Variants in XYLT1 observed in about 807,000 individuals in gnomAD.
XYLT1 encodes the protein beta-D-xylosyltransferase 1.
Under a neutral mutation model 91.3 loss-of-function variants are expected in XYLT1, and 36 were observed. That is an observed-to-expected ratio of 0.39 (90% CI 0.30 to 0.52). The LOEUF is 0.52. XYLT1 is among the 20% of genes least tolerant of loss of function. The pLI is 0.68. For synonymous variants in XYLT1, 588 were observed against 532.0 expected, an observed-to-expected ratio of 1.11 and a Z score of -1.45; for missense variants, 1,242 against 1,284.5, an observed-to-expected ratio of 0.97 and a Z score of 0.51.
At chr16:17,284,688 AG>A (rs1305273920) in intron 2 of XYLT1, among the ~76,000 whole-genome samples, 1 of 152,234 alleles carries the variant, frequency 6.6e-6, no homozygotes, top group Non-Finnish European at 1.5e-5. Flanking sequence ...AGGCTGAGGC[AG>A]GGGGATCACT....
intron 1 of XYLT1, among the ~76,000 whole-genome samples, chr16:17,364,787 G>A (rs747043244): frequency 6.6e-6 from 1 of 152,186 alleles, no homozygotes. Context: ...GCCAGGAGCA[G>A]TAAGCAAGTT....
At chr16:17,343,667 T>C (rs2035098686) in intron 2 of XYLT1, among the ~76,000 whole-genome samples, 1 of 152,016 alleles carries the variant, frequency 6.6e-6, no homozygotes, top group Non-Finnish European at 1.5e-5. Context: ...GATGGTCTTG[T>C]TATATTGTTC....
At chr16:17,154,189 T>C (rs564628906) in intron 6 of XYLT1, among the ~76,000 whole-genome samples, 2 of 152,286 alleles carry the variant, frequency 1.3e-5, no homozygotes, top group East Asian at 3.9e-4. Context: ...TTTATAAAGA[T>C]GGAGAAACAG....
chr16:17,264,881 T>A (rs1218379205), intron 2 of XYLT1, among the ~76,000 whole-genome samples: 2 of 152,154 alleles, frequency 1.3e-5, no homozygotes, highest in African/African-American at 4.8e-5. Flanking sequence ...TTGGTATCCA[T>A]GGGGATGATA....
At chr16:17,221,194 G>T (rs901433626) in intron 3 of XYLT1, among the ~76,000 whole-genome samples, 1 of 152,122 alleles carries the variant, frequency 6.6e-6, no homozygotes, top group African/African-American at 2.4e-5. Context: ...ATGTCCTATA[G>T]TCAATAAAGC....
intron 2 of XYLT1, among the ~76,000 whole-genome samples, chr16:17,356,180 AC>A (rs897570236): frequency 6.6e-6 from 1 of 151,230 alleles, no homozygotes; most frequent in Non-Finnish European, 1.5e-5. Context: ...AATCAAAACC[AC>A]CCCCCGGTTT....
At chr16:17,364,184 C>G (rs1567394006) in intron 1 of XYLT1, among the ~76,000 whole-genome samples, 1 of 152,192 alleles carries the variant, frequency 6.6e-6, no homozygotes, top group Non-Finnish European at 1.5e-5. Context: ...TGGGCAAAGT[C>G]CTTAGCTTCT....
At chr16:17,338,571 C>T (rs757303026) in intron 2 of XYLT1, 32 of 450,462 alleles carry the variant, frequency 7.1e-5, no homozygotes, top group South Asian at 1.7e-4. Flanking sequence ...TGTTCTCTGT[C>T]GGGAATGGTC....
In XYLT1 at chr16:17,330,726, G is replaced by A. The variant is rs1166405483; in HGVS notation, c.402+27286C>T. On this transcript the variant is annotated intron_variant, in intron 2 of 11. Transcript: ENST00000261381. ...GGAGAATCGCTTGAACCCGGGAGGC[G>A]GAGGTAGTAATGAGCCAAGATCGCG... Among the ~76,000 whole-genome samples, 4 of 151,948 alleles carry A rather than the reference G, an allele frequency of 2.6e-5. No homozygotes were observed. In the East Asian group the frequency reaches 5.8e-4, roughly 22 times the overall value.
chr16:17,280,798 G>A (rs879630225), intron 2 of XYLT1, among the ~76,000 whole-genome samples: 12 of 152,160 alleles, frequency 7.9e-5, no homozygotes, highest in Admixed American at 1.3e-4. Flanking sequence ...GTTTGCTTGT[G>A]TCATTCAATA....
In XYLT1 at chr16:17,225,392, G is replaced by A. The variant is rs2033045249; in HGVS notation, c.914-24738C>T. 1.3e-5 allele frequency among the ~76,000 whole-genome samples: 2 copies of A among 151,996 alleles called. 1 individual carries two copies. Among genetic ancestry groups the A allele is most frequent in the Non-Finnish European group, 2.9e-5 (2 of 68,006 alleles). On this transcript the variant is annotated intron_variant, in intron 3 of 11. Transcript: ENST00000261381. Reference sequence around the variant, plus strand: ...CAAAAAATATTAAGAGTGTCAAGACGGTGAAAGCAAAGCATAAAATCTAAC... The same window carrying A: ...CAAAAAATATTAAGAGTGTCAAGACAGTGAAAGCAAAGCATAAAATCTAAC...
chr16:17,294,448 C>T (rs748572253), intron 2 of XYLT1, among the ~76,000 whole-genome samples: 1 of 152,112 alleles, frequency 6.6e-6, no homozygotes, highest in African/African-American at 2.4e-5. Context: ...ATCGTCTTTC[C>T]GCCACTCTCA....
At chr16:17,465,398 G>GT (rs1457637989) in intron 1 of XYLT1, among the ~76,000 whole-genome samples, 1 of 152,024 alleles carries the variant, frequency 6.6e-6, no homozygotes, top group Non-Finnish European at 1.5e-5. Context: ...GGAGAAATCA[G>GT]TAAGACAGTA....
At chr16:17,411,175 T>C (rs921889363) in intron 1 of XYLT1, among the ~76,000 whole-genome samples, 27 of 152,226 alleles carry the variant, frequency 1.8e-4, no homozygotes, top group African/African-American at 6.0e-4. Context: ...CATGGGCCAG[T>C]TGTGAAACTT....
chr16:17,232,556 A>G (rs961265713), intron 3 of XYLT1, among the ~76,000 whole-genome samples: 15 of 151,166 alleles, frequency 9.9e-5, no homozygotes, highest in Admixed American at 6.6e-5. Context: ...TTATTGATTG[A>G]TTGATGATGA....
At chr16:17,270,923 G>A (rs964840141) in intron 2 of XYLT1, among the ~76,000 whole-genome samples, 1 of 152,178 alleles carries the variant, frequency 6.6e-6, no homozygotes, top group Non-Finnish European at 1.5e-5. Flanking sequence ...AATGGGGCCA[G>A]TGAGGCTGAG....
intron 1 of XYLT1, among the ~76,000 whole-genome samples, chr16:17,391,025 G>A (rs117000797): frequency 0.077 from 11,756 of 152,000 alleles, 638 homozygotes; most frequent in African/African-American, 0.15. Flanking sequence ...GCGACAGAGC[G>A]AGACTCCTTC....
intron 3 of XYLT1, among the ~76,000 whole-genome samples, chr16:17,204,672 A>T (rs951443755): frequency 2.0e-4 from 31 of 152,192 alleles, no homozygotes; most frequent in Admixed American, 3.3e-4. Context: ...ACTGCTATGA[A>T]AACAGAGCTA....
intron 5 of XYLT1, among the ~76,000 whole-genome samples, chr16:17,176,538 G>A (rs1319537821): frequency 6.6e-6 from 1 of 152,238 alleles, no homozygotes; most frequent in East Asian, 1.9e-4. Flanking sequence ...CCGCTTTGCT[G>A]CACTGGCCTG....
Sources: allele counts gnomAD v4.1 joint callset (sites outside exome capture counted in the v4.1 genomes callset), GRCh38; gene constraint gnomAD v4.1.1; transcripts MANE v1.5; gene names NCBI Gene and HGNC (gene_info 2026-07-23, HGNC 2026-07-21).